Variants in KCNQ4 observed in about 807,000 individuals in gnomAD.
KCNQ4 encodes the protein potassium voltage-gated channel subfamily Q member 4, also known as potassium voltage-gated channel subfamily KQT member 4.
KCNQ4 carries 31 observed loss-of-function variants against 72.6 expected under a neutral mutation model. The ratio of observed to expected loss-of-function variants is 0.43; its 90% CI spans 0.32 to 0.58. KCNQ4 has a LOEUF of 0.58. Ranked by LOEUF, KCNQ4 falls within the 20% of genes least tolerant of loss-of-function variation. The probability of loss-of-function intolerance (pLI) is 0.08; values close to 1 mark genes in which losing one functional copy is unlikely to be tolerated. For missense variants in KCNQ4, 869 were observed against 962.6 expected, an observed-to-expected ratio of 0.90 and a Z score of 1.29; for synonymous variants, 405 against 403.7, an observed-to-expected ratio of 1.00 and a Z score of -0.04.
In KCNQ4 at chr1:40,817,530, G is replaced by T. The variant is rs929462725; in HGVS notation, c.405+175G>T. On this transcript the variant is annotated intron_variant, in intron 2 of 13. Coordinates refer to ENST00000347132, the MANE Select transcript of KCNQ4 (RefSeq NM_004700.4). This position sits in a 1 kb window ranked among gnomAD's most constrained non-coding sequence, Gnocchi z 5.5. ...TGGGAGTCCGGGACTGAGGGGGGCC[G>T]TGTGAGGTGGCACCTCTGGGCTGAG... Among the ~76,000 whole-genome samples, 1 of 152,084 alleles carries T rather than the reference G, an allele frequency of 6.6e-6. No homozygotes were observed. The highest frequency in any genetic ancestry group is 2.4e-5 in the African/African-American group (1 of 41,386).
chr1:40,808,332 A>G (rs1395011352), intron 1 of KCNQ4, among the ~76,000 whole-genome samples: 1 of 152,152 alleles, frequency 6.6e-6, no homozygotes, highest in African/African-American at 2.4e-5. Flanking sequence ...CAAGCCTTAA[A>G]AACAAACAGC....
At chr1:40,810,226 C>T (rs764799324) in intron 1 of KCNQ4, among the ~76,000 whole-genome samples, 36 of 152,126 alleles carry the variant, frequency 2.4e-4, no homozygotes, top group Non-Finnish European at 4.1e-4. Context: ...TGGGCTGCCT[C>T]GACGGCCACA....
At chr1:40,823,032 A>G (rs1020371654) in intron 8 of KCNQ4, among the ~76,000 whole-genome samples, 6 of 152,166 alleles carry the variant, frequency 3.9e-5, no homozygotes, top group Admixed American at 3.3e-4. Context: ...AATGAAAACC[A>G]TGGAGCCCAG....
chr1:40,823,126 C>T (rs755350872), intron 8 of KCNQ4, among the ~76,000 whole-genome samples: 33 of 152,202 alleles, frequency 2.2e-4, no homozygotes, highest in Admixed American at 5.2e-4. Context: ...CCTTTTTTGC[C>T]TCATTAGTTC....
At chr1:40,816,348 C>G (rs539811524) in intron 1 of KCNQ4, among the ~76,000 whole-genome samples, 64 of 152,294 alleles carry the variant, frequency 4.2e-4, no homozygotes, top group African/African-American at 1.5e-3. Flanking sequence ...TCACCTCGCT[C>G]TCCTTCACCC....
At position 40,832,488 on chromosome 1, in the gene KCNQ4, G is replaced by A. The variant is rs979503178; in HGVS notation, c.1514-526G>A. 3.9e-5 allele frequency among the ~76,000 whole-genome samples: 6 copies of A among 152,332 alleles called. 1 individual carries two copies. Among genetic ancestry groups the A allele is most frequent in the African/African-American group, 1.2e-4 (5 of 41,584 alleles). On this transcript the variant is annotated intron_variant, in intron 10 of 13. Coordinates refer to ENST00000347132, the MANE Select transcript of KCNQ4 (RefSeq NM_004700.4). ...GGCAAGGACAGCATCACCTCTCTGC[G>A]CAACACAGGGCACTAGCCTCAGAGA... is the stretch of plus-strand genomic sequence containing the variant.
In KCNQ4 at chr1:40,818,267, C is replaced by T. The variant is rs778605247; in HGVS notation, c.509C>T (p.Ala170Val). ...YRGWQGRFRF[A>V]RKPFCVIDFI... is the part of the protein sequence containing the mutation. ...GGATGGCAGGGTCGCTTCCGCTTTG[C>T]CAGAAAGCCCTTCTGTGTCATCGGT... is the stretch of plus-strand genomic sequence containing the variant. Residue 170 changes from alanine to valine, a missense_variant, in exon 3 of 14, where the codon GCC (alanine) becomes GTC (valine). Physicochemically the swap from Ala to Val is moderately conservative, Grantham distance 64 (BLOSUM62 0). This residue lies in a region of KCNQ4 where 179 missense variants were observed against 243.0 expected (regional missense o/e 0.74). Transcript: ENST00000347132. 6.2e-7 allele frequency: 1 copy of T among 1,613,910 alleles called. No homozygotes were observed. The highest frequency in any genetic ancestry group is 1.1e-5 in the South Asian group (1 of 91,084).
chr1:40,822,802 A>G (rs1249143843), intron 8 of KCNQ4, among the ~76,000 whole-genome samples: 2 of 152,136 alleles, frequency 1.3e-5, no homozygotes, highest in Non-Finnish European at 2.9e-5. Flanking sequence ...GGGCAGAAAC[A>G]TGTGTTCCAG....
At chr1:40,829,840 G>A (rs929360830) in intron 9 of KCNQ4, among the ~76,000 whole-genome samples, 15 of 152,188 alleles carry the variant, frequency 9.9e-5, no homozygotes, top group South Asian at 2.1e-4. Flanking sequence ...CAGCGATGAC[G>A]TCACAGGGCA....
chr1:40,814,535 C>T (rs1237351256), intron 1 of KCNQ4, among the ~76,000 whole-genome samples: 1 of 151,992 alleles, frequency 6.6e-6, no homozygotes, highest in Non-Finnish European at 1.5e-5. Context: ...TCAACCCCAT[C>T]TCTACAAAAA....
In KCNQ4 at chr1:40,837,804, G is replaced by A; in HGVS notation, c.1875+10G>A. On this transcript the variant is annotated intron_variant, in intron 13 of 13. Transcript: ENST00000347132. ...CAAGGTGGAGAAGCAGGTGAGTGTA[G>A]GATGGGGTGGCGGAGCTGGCCATAC... 6.2e-7 allele frequency: 1 copy of A among 1,603,712 alleles called. No individual in the cohort carries two copies. The highest frequency in any genetic ancestry group is 1.7e-5 in the Admixed American group (1 of 58,090).
chr1:40,802,434 C>T lies in KCNQ4; in HGVS notation c.315-14831C>T, dbSNP rs1343173976. ...GGAGGCCGCGGGGAGGTAATCGGAG[C>T]CGCAGCACCGCCCCGGCCCCTCCCG... is the stretch of plus-strand genomic sequence containing the variant. On this transcript the variant is annotated intron_variant, in intron 1 of 13. Coordinates refer to ENST00000347132, the MANE Select transcript of KCNQ4 (RefSeq NM_004700.4). Among the ~76,000 whole-genome samples the T allele has an allele frequency of 2.6e-5, 4 of 152,056 alleles. No individual in the cohort carries two copies. The South Asian group carries it at 6.2e-4, about 24-fold the overall frequency.
intron 12 of KCNQ4, among the ~76,000 whole-genome samples, chr1:40,837,091 C>CTT (rs370300997): frequency 2.1e-5 from 2 of 93,078 alleles, no homozygotes; most frequent in African/African-American, 6.1e-5. Context: ...CTTTTCTTTT[C>CTT]TTTTTTTTTT....
intron 4 of KCNQ4, 92 bp from the exon 5 acceptor site, chr1:40,819,255 G>A (rs886279044): frequency 2.0e-5 from 29 of 1,481,944 alleles, no homozygotes; most frequent in Non-Finnish European, 2.7e-5. Flanking sequence ...TCCGGGAGAT[G>A]GGGGACCTTT....
chr1:40,806,251 T>A (rs1242121089), intron 1 of KCNQ4, among the ~76,000 whole-genome samples: 1 of 152,022 alleles, frequency 6.6e-6, no homozygotes, highest in South Asian at 2.1e-4. Context: ...CTTGCTTGAG[T>A]TTCTCAAATC....
chr1:40,803,545 A>G (rs1647647363), intron 1 of KCNQ4, among the ~76,000 whole-genome samples: 1 of 152,158 alleles, frequency 6.6e-6, no homozygotes, highest in Non-Finnish European at 1.5e-5. Context: ...CAGGCGGAGG[A>G]AACTAAGAAG....
intron 1 of KCNQ4, among the ~76,000 whole-genome samples, chr1:40,815,373 G>A (rs1185539430): frequency 6.6e-6 from 1 of 152,120 alleles, no homozygotes; most frequent in African/African-American, 2.4e-5. Context: ...TGTCAAGGCC[G>A]GGGTAAAGTC....
In KCNQ4 at chr1:40,824,182, G is replaced by A. The variant is rs1264123218; in HGVS notation, c.1216G>A (p.Asp406Asn). 7 of 1,572,502 alleles carry A rather than the reference G, an allele frequency of 4.5e-6. No homozygotes were observed. Among genetic ancestry groups the A allele is most frequent in the Admixed American group, 1.8e-5 (1 of 54,760 alleles). The change falls in exon 9 of 14, where the codon GAC becomes AAC. Residue 406 changes from aspartate to asparagine, a missense_variant. Physicochemically the swap from Asp to Asn is conservative, Grantham distance 23 (BLOSUM62 1). Coordinates refer to ENST00000347132, the MANE Select transcript of KCNQ4 (RefSeq NM_004700.4). ...PLEVRRAPVPDGAPSRYPPVA... is the reference protein window; with the variant it reads ...PLEVRRAPVPNGAPSRYPPVA... ...GGAGGTGCGGCGGGCGCCGGTACCC[G>A]ACGGAGCACCCTCCCGTTACCCGCC...
intron 1 of KCNQ4, among the ~76,000 whole-genome samples, chr1:40,807,853 G>C (rs1318398848): frequency 6.6e-6 from 1 of 152,214 alleles, no homozygotes; most frequent in Non-Finnish European, 1.5e-5. Flanking sequence ...CCTGGTCTAG[G>C]GGGCAAGGAA....
Sources: allele counts gnomAD v4.1 joint callset (sites outside exome capture counted in the v4.1 genomes callset), GRCh38; gene constraint gnomAD v4.1.1; regional missense constraint gnomAD v4.1.1; non-coding constraint Gnocchi (gnomAD v3.1); transcripts MANE v1.5; gene names NCBI Gene and HGNC (gene_info 2026-07-23, HGNC 2026-07-21).